Variants in KCNQ4 observed in about 807,000 individuals in gnomAD.
KCNQ4 encodes potassium voltage-gated channel subfamily Q member 4.
KCNQ4 carries 31 observed loss-of-function variants against 72.6 expected under a neutral mutation model. The ratio of observed to expected loss-of-function variants is 0.43; its 90% CI spans 0.32 to 0.58. KCNQ4 has a LOEUF of 0.58. Among genes scored for constraint, KCNQ4 ranks in the 20% least tolerant of loss-of-function variants. KCNQ4 has a pLI of 0.08. For missense variants in KCNQ4, 869 were observed against 962.6 expected (o/e 0.90, Z 1.29); for synonymous variants, 405 against 403.7 (o/e 1.00, Z -0.04).
intron 1 of KCNQ4, among the ~76,000 whole-genome samples, chr1:40,813,194 G>A (rs908639691): frequency 2.5e-4 from 38 of 152,232 alleles, no homozygotes; most frequent in African/African-American, 8.9e-4. Context: ...TGTCAGTGCC[G>A]AGGAGTTGGA....
At position 40,803,594 on chromosome 1, in the gene KCNQ4, C is replaced by T. The variant is rs116409417; in HGVS notation, c.315-13671C>T. On this transcript the variant is annotated intron_variant, in intron 1 of 13. Transcript: ENST00000347132. ...GTCCTCCCAGCTTCCAGTTAAAGAC[C>T]CTCCCAACCACCCTTCCACCTTAGC... Among the ~76,000 whole-genome samples the T allele has an allele frequency of 9.0e-3, 1,375 of 152,284 alleles. 20 individuals carry two copies. Among genetic ancestry groups the T allele is most frequent in the African/African-American group, 0.031 (1,278 of 41,544 alleles).
intron 13 of KCNQ4, 59 bp from the exon 14 acceptor site, chr1:40,838,252 C>T (rs572293200): frequency 1.1e-5 from 17 of 1,485,048 alleles, no homozygotes; most frequent in African/African-American, 1.1e-4. Context: ...CCAAGCCCCG[C>T]CCCCGGCCGC....
At chr1:40,832,185 C>T (rs1360816894) in intron 10 of KCNQ4, among the ~76,000 whole-genome samples, 3 of 152,196 alleles carry the variant, frequency 2.0e-5, no homozygotes, top group Non-Finnish European at 4.4e-5. Flanking sequence ...CTTTGACATA[C>T]TTTAGGCCCC....
intron 1 of KCNQ4, among the ~76,000 whole-genome samples, chr1:40,790,309 C>G (rs1466823883): frequency 6.6e-6 from 1 of 152,214 alleles, no homozygotes; most frequent in Non-Finnish European, 1.5e-5. Context: ...CACTGTTAGC[C>G]ATGATCATCG....
chr1:40,802,410 G>T (rs1170093229), intron 1 of KCNQ4, among the ~76,000 whole-genome samples: 1 of 152,182 alleles, frequency 6.6e-6, no homozygotes, highest in African/African-American at 2.4e-5. Context: ...CCGGGCGGGG[G>T]AGGCCGCGGG....
chr1:40,838,358 G>C lies in KCNQ4; in HGVS notation c.1923G>C (p.Ser641=). The change falls in exon 14 of 14, where the codon TCG becomes TCC. Residue 641 remains serine, a synonymous_variant. Coordinates refer to ENST00000347132, the MANE Select transcript of KCNQ4 (RefSeq NM_004700.4). Reference sequence around the variant, plus strand: ...TGGACCTGCTGTTGGGCTTCTATTCGCGCTGCCTGCGCTCTGGCACCTCGG... The same window carrying C: ...TGGACCTGCTGTTGGGCTTCTATTCCCGCTGCCTGCGCTCTGGCACCTCGG... ...HKLDLLLGFY[S]RCLRSGTSAS... is the part of the protein sequence containing the mutation. 1 of 1,613,872 alleles carries C rather than the reference G, an allele frequency of 6.2e-7. No homozygotes were observed. The highest frequency in any genetic ancestry group is 2.2e-5 in the East Asian group (1 of 44,864).
At position 40,817,299 on chromosome 1, in the gene KCNQ4, G is replaced by A; in HGVS notation, c.349G>A (p.Val117Met). ...GGTCTTCAGCTGCCTGGTGCTGTCT[G>A]TGCTGTCCACTATCCAGGAGCACCA... ...LLVFSCLVLSVLSTIQEHQEL... is the reference protein window; with the variant it reads ...LLVFSCLVLSMLSTIQEHQEL... Residue 117 changes from valine to methionine, a missense_variant, in exon 2 of 14, where the codon GTG becomes ATG. By Grantham distance (21) the Val-to-Met change is conservative (BLOSUM62 1). Coordinates refer to ENST00000347132, the MANE Select transcript of KCNQ4 (RefSeq NM_004700.4). The surrounding 1 kb of genome is among the most constrained non-coding windows in gnomAD (Gnocchi z 5.5). 6.2e-7 allele frequency: 1 copy of A among 1,614,088 alleles called. No individual in the cohort carries two copies. The highest frequency in any genetic ancestry group is 2.2e-5 in the East Asian group (1 of 44,888).
chr1:40,833,111 C>T lies in KCNQ4; in HGVS notation c.1611C>T (p.Ile537=), dbSNP rs876657837. 2 of 1,609,514 alleles carry T rather than the reference C, an allele frequency of 1.2e-6. No homozygotes were observed. Among genetic ancestry groups the T allele is most frequent in the South Asian group, 1.1e-5 (1 of 91,052 alleles). ...MPAVKTVIRS[I]RILKFLVAKR... is the part of the protein sequence containing the mutation. ...CTGTGAAGACAGTCATCCGCTCCAT[C>T]AGGTAAGACTGAGGCCTGAGGCGAG... Residue 537 remains isoleucine, a splice_region_variant and synonymous_variant, in exon 11 of 14, where the codon ATC becomes ATT. Coordinates refer to ENST00000347132, the MANE Select transcript of KCNQ4 (RefSeq NM_004700.4).
At chr1:40,815,988 G>A (rs529504140) in intron 1 of KCNQ4, among the ~76,000 whole-genome samples, 2 of 152,252 alleles carry the variant, frequency 1.3e-5, no homozygotes, top group Admixed American at 6.5e-5. Context: ...GGCAAGCATC[G>A]GGAGTTGGCA....
chr1:40,798,103 C>T (rs1257123481), intron 1 of KCNQ4, among the ~76,000 whole-genome samples: 1 of 152,100 alleles, frequency 6.6e-6, no homozygotes, highest in Non-Finnish European at 1.5e-5. Flanking sequence ...TCTTGAAGCT[C>T]AACAGAGTAT....
intron 9 of KCNQ4, 119 bp from the exon 10 acceptor site, chr1:40,830,965 C>G (rs1648625380): frequency 1.2e-6 from 1 of 818,912 alleles, no homozygotes; most frequent in Non-Finnish European, 2.0e-6. Flanking sequence ...GAAGTCTCCG[C>G]TTGGCGGGGA....
intron 1 of KCNQ4, among the ~76,000 whole-genome samples, chr1:40,792,403 C>G (rs1303467999): frequency 6.6e-6 from 1 of 152,178 alleles, no homozygotes; most frequent in Non-Finnish European, 1.5e-5. Flanking sequence ...GGCCTTTCTA[C>G]CCCCATCCTC....
chr1:40,793,312 C>T (rs58126333), intron 1 of KCNQ4, among the ~76,000 whole-genome samples: 59,763 of 151,866 alleles, frequency 0.39, 12,294 homozygotes, highest in African/African-American at 0.49. Context: ...TGCAACCCCC[C>T]TGGCTTTCCT....
chr1:40,817,430 G>A lies in KCNQ4; in HGVS notation c.405+75G>A, dbSNP rs2148317207. On this transcript the variant is annotated intron_variant, in intron 2 of 13. Transcript: ENST00000347132. This position sits in a 1 kb window ranked among gnomAD's most constrained non-coding sequence, Gnocchi z 5.5. ...CTGGGCTGGGAGTCCGGGACTGAGGGGGGCTGTGTGAGGTAGCACCTCTGG... is the reference window on the plus strand; with the variant it reads ...CTGGGCTGGGAGTCCGGGACTGAGGAGGGCTGTGTGAGGTAGCACCTCTGG... 2 of 1,133,942 alleles carry A rather than the reference G, an allele frequency of 1.8e-6. No individual in the cohort carries two copies. Among genetic ancestry groups the A allele is most frequent in the East Asian group, 5.0e-5 (2 of 40,180 alleles). 70.2% of individuals were successfully genotyped at this position (1,133,942 alleles called of 1,614,324 possible).
intron 9 of KCNQ4, among the ~76,000 whole-genome samples, chr1:40,829,518 G>A (rs1254981525): frequency 1.3e-5 from 2 of 152,084 alleles, no homozygotes; most frequent in Non-Finnish European, 2.9e-5. Flanking sequence ...CTTCCTGAAG[G>A]TGCCCCTGGT....
At chr1:40,828,669 G>A (rs190177564) in intron 9 of KCNQ4, among the ~76,000 whole-genome samples, 280 of 152,336 alleles carry the variant, frequency 1.8e-3, no homozygotes, top group Non-Finnish European at 3.6e-3. Context: ...CAGTGGCTGA[G>A]AGAACTGAAA....
chr1:40,820,322 C>T (rs1167986607), intron 7 of KCNQ4, 62 bp downstream of exon 7: 19 of 1,374,200 alleles, frequency 1.4e-5, no homozygotes, highest in Non-Finnish European at 1.9e-5. Context: ...GGTGTGTCAA[C>T]CCTGTGTGCT....
At chr1:40,793,815 A>T (rs1647336509) in intron 1 of KCNQ4, among the ~76,000 whole-genome samples, 2 of 152,034 alleles carry the variant, frequency 1.3e-5, no homozygotes. Flanking sequence ...TTCAACTCCC[A>T]GTTTGAGCAC....
intron 1 of KCNQ4, among the ~76,000 whole-genome samples, chr1:40,800,087 T>G (rs1023406759): frequency 1.3e-5 from 2 of 152,144 alleles, no homozygotes; most frequent in African/African-American, 4.8e-5. Context: ...GGCCAAATAC[T>G]TATGCCTACT....
Sources: allele counts gnomAD v4.1 joint callset (sites outside exome capture counted in the v4.1 genomes callset), GRCh38; gene constraint gnomAD v4.1.1; non-coding constraint Gnocchi (gnomAD v3.1); transcripts MANE v1.5; gene names NCBI Gene and HGNC (gene_info 2026-07-23, HGNC 2026-07-21).